Variants in LPAR3 observed in about 807,000 individuals in gnomAD.
LPAR3 encodes LPA receptor 3.
A neutral mutation model predicts 17.8 loss-of-function variants in LPAR3; 7 were observed. That is an observed-to-expected ratio of 0.39 (90% confidence interval 0.22 to 0.74). The LOEUF is 0.74. LPAR3 is among the 30% of genes least tolerant of loss of function. The pLI, the probability that LPAR3 is intolerant of heterozygous loss-of-function variation, is 0.40. For synonymous variants in LPAR3, 179 were observed against 179.9 expected, an observed-to-expected ratio of 0.99 and a Z score of 0.04; for missense variants, 391 against 453.4, an observed-to-expected ratio of 0.86 and a Z score of 1.25.
chr1:84,863,933 C>T (rs1659989051), intron 2 of LPAR3, among the ~76,000 whole-genome samples: 1 of 152,126 alleles, frequency 6.6e-6, no homozygotes, highest in Admixed American at 6.5e-5. Flanking sequence ...GGAATCTGGC[C>T]AGGTGCAGTG....
rs180949159 is a variant in LPAR3 at position 84,881,957 on chromosome 1, G to A, written c.-19+11059C>T. 1.9e-3 allele frequency among the ~76,000 whole-genome samples: 291 copies of A among 152,210 alleles called. 1 individual carries two copies. The highest frequency in any genetic ancestry group is 6.8e-3 in the African/African-American group (281 of 41,516). ...ATGCCCACTCTTATCACTGCTATTC[G>A]ACATAGTATTGGAAGTCCCAGCCAC... is the stretch of plus-strand genomic sequence containing the variant. On this transcript the variant is annotated intron_variant, in intron 1 of 2. Coordinates refer to ENST00000370611, the MANE Select transcript of LPAR3 (RefSeq NM_012152.3).
At chr1:84,839,548 G>A (rs1462450880) in intron 2 of LPAR3, among the ~76,000 whole-genome samples, 1 of 152,146 alleles carries the variant, frequency 6.6e-6, no homozygotes, top group Admixed American at 6.5e-5. Context: ...GTGCACATCT[G>A]TAGTCCTAGC....
At chr1:84,866,303 G>A in intron 1 of LPAR3, 165 bp from the exon 2 acceptor site, 1 of 608,760 alleles carries the variant, frequency 1.6e-6, no homozygotes, top group South Asian at 2.1e-5. Flanking sequence ...CATAGCCCCT[G>A]ACCTCCTACC....
chr1:84,877,977 G>A (rs1050825108), intron 1 of LPAR3, among the ~76,000 whole-genome samples: 1 of 151,336 alleles, frequency 6.6e-6, no homozygotes, highest in African/African-American at 2.4e-5. Flanking sequence ...GTTGAACAAT[G>A]TTAGGATGAT....
intron 1 of LPAR3, among the ~76,000 whole-genome samples, chr1:84,871,423 A>G (rs1392898122): frequency 6.6e-6 from 1 of 152,226 alleles, no homozygotes; most frequent in East Asian, 1.9e-4. Flanking sequence ...ATTTCTAGCT[A>G]CATCTTATGA....
chr1:84,862,083 C>T (rs1239683828), intron 2 of LPAR3, among the ~76,000 whole-genome samples: 1 of 152,118 alleles, frequency 6.6e-6, no homozygotes, highest in Non-Finnish European at 1.5e-5. Flanking sequence ...AGAAAGTTTT[C>T]TTTTTAAGCA....
chr1:84,883,007 G>C (rs1168991739), intron 1 of LPAR3, among the ~76,000 whole-genome samples: 1 of 152,142 alleles, frequency 6.6e-6, no homozygotes, highest in East Asian at 1.9e-4. Context: ...AGATTTAAAG[G>C]TGCTTAGACT....
In LPAR3 at chr1:84,817,342, T is replaced by C. The variant is rs189194962; in HGVS notation, c.737-3171A>G. On this transcript the variant is annotated intron_variant, in intron 2 of 2. Transcript: ENST00000370611. ...GTTACCTGTTTGAATGTTCCTGACATCTCCACATTCTCTATGAATTCTCCA... is the reference window on the plus strand; with the variant it reads ...GTTACCTGTTTGAATGTTCCTGACACCTCCACATTCTCTATGAATTCTCCA... Among the ~76,000 whole-genome samples, 377 of 152,034 alleles carry C rather than the reference T, an allele frequency of 2.5e-3. 7 individuals are homozygous for C. Among genetic ancestry groups the C allele is most frequent in the Non-Finnish European group, 4.7e-4 (32 of 67,996 alleles).
chr1:84,852,609 G>A (rs968394277), intron 2 of LPAR3, among the ~76,000 whole-genome samples: 1 of 152,196 alleles, frequency 6.6e-6, no homozygotes, highest in African/African-American at 2.4e-5. Context: ...CTGAAAGGCT[G>A]AGGATGGAGA....
chr1:84,876,073 A>G (rs1660250801), intron 1 of LPAR3, among the ~76,000 whole-genome samples: 1 of 152,200 alleles, frequency 6.6e-6, no homozygotes. Flanking sequence ...CAAAGATACT[A>G]AAGAAGAGCA....
At chr1:84,869,272 T>G (rs1461815376) in intron 1 of LPAR3, among the ~76,000 whole-genome samples, 1 of 152,198 alleles carries the variant, frequency 6.6e-6, no homozygotes, top group African/African-American at 2.4e-5. Context: ...TTAAGACATG[T>G]TTTTAGCAAA....
intron 1 of LPAR3, among the ~76,000 whole-genome samples, chr1:84,876,916 T>A (rs750256729): frequency 6.6e-6 from 1 of 152,146 alleles, no homozygotes; most frequent in Non-Finnish European, 1.5e-5. Flanking sequence ...CCCGCACAAA[T>A]ACCAAAACCC....
chr1:84,857,681 C>A (rs922886798), intron 2 of LPAR3, among the ~76,000 whole-genome samples: 1 of 152,188 alleles, frequency 6.6e-6, no homozygotes, highest in Non-Finnish European at 1.5e-5. Flanking sequence ...AAGTTATAAA[C>A]TTCATGACTT....
intron 1 of LPAR3, among the ~76,000 whole-genome samples, chr1:84,880,343 A>G (rs1660340358): frequency 6.6e-6 from 1 of 152,210 alleles, no homozygotes; most frequent in African/African-American, 2.4e-5. Flanking sequence ...ACTTTTTGCA[A>G]GTACGTAAGC....
chr1:84,821,466 T>C (rs1391693777), intron 2 of LPAR3, among the ~76,000 whole-genome samples: 1 of 152,204 alleles, frequency 6.6e-6, no homozygotes, highest in Non-Finnish European at 1.5e-5. Flanking sequence ...TTTATCTAAG[T>C]GCTCAGGACG....
chr1:84,832,848 G>T (rs1037730700), intron 2 of LPAR3, among the ~76,000 whole-genome samples: 1 of 152,012 alleles, frequency 6.6e-6, no homozygotes, highest in East Asian at 1.9e-4. Context: ...CCACATTTGG[G>T]TACATCAGAT....
chr1:84,815,069 G>A (rs1658905754), intron 2 of LPAR3, among the ~76,000 whole-genome samples: 1 of 152,150 alleles, frequency 6.6e-6, no homozygotes, highest in Admixed American at 6.5e-5. Context: ...AGGCACTGGT[G>A]CAAACGCTTT....
chr1:84,882,929 T>A lies in LPAR3; in HGVS notation c.-19+10087A>T, dbSNP rs934703898. 3.9e-5 allele frequency among the ~76,000 whole-genome samples: 6 copies of A among 152,370 alleles called. 1 individual carries two copies. Among genetic ancestry groups the A allele is most frequent in the Admixed American group, 2.0e-4 (3 of 15,312 alleles). ...TTGCTTACCAACAAGTTAGTTATCT[T>A]CTCTATCTTAATTTCCTCATCTACA... is the stretch of plus-strand genomic sequence containing the variant. On this transcript the variant is annotated intron_variant, in intron 1 of 2. Coordinates refer to ENST00000370611, the MANE Select transcript of LPAR3 (RefSeq NM_012152.3).
intron 2 of LPAR3, among the ~76,000 whole-genome samples, chr1:84,820,077 A>G (rs1443966467): frequency 6.6e-6 from 1 of 152,208 alleles, no homozygotes; most frequent in Non-Finnish European, 1.5e-5. Flanking sequence ...TTATTATCCT[A>G]GACTAACATA....
Sources: gnomAD v4.1 joint callset for allele counts (sites outside exome capture counted in the v4.1 genomes callset) on GRCh38, gnomAD v4.1.1 for gene constraint, MANE v1.5 for transcripts, NCBI Gene and HGNC (gene_info 2026-07-23, HGNC 2026-07-21) for gene names.